The following TEKT1 variants were observed in gnomAD, a reference collection of about 807,000 sequenced individuals.
The protein encoded by TEKT1 is tektin 1.
In TEKT1, 32 loss-of-function variants were observed where a neutral mutation model predicts 34.8. The observed-to-expected ratio is 0.92, with a 90% CI of 0.69 to 1.23. The LOEUF (loss-of-function observed/expected upper bound fraction) is 1.23. Among genes scored for constraint, TEKT1 ranks in the 50% most tolerant of loss-of-function variants. TEKT1 has a pLI of 0.00. For missense variants in TEKT1, 492 were observed against 518.5 expected, an observed-to-expected ratio of 0.95 and a Z score of 0.50; for synonymous variants, 207 against 199.8, an observed-to-expected ratio of 1.04 and a Z score of -0.30.
chr17:6,815,015 C>T (rs551653830), intron 5 of TEKT1, 148 bp downstream of exon 5: 2 of 925,894 alleles, frequency 2.2e-6, no homozygotes, highest in South Asian at 3.4e-5. Context: ...CCTCTGGGCC[C>T]AATGTCAAGG....
chr17:6,800,088 A>C lies in TEKT1; in HGVS notation c.1196T>G (p.Leu399Arg). 6.2e-7 allele frequency: 1 copy of C among 1,613,556 alleles called. No homozygotes were observed. Reference protein sequence around the residue: ...LCMQMRKSIPLRDGEDHGVWA... With the variant: ...LCMQMRKSIPRRDGEDHGVWA... ...GACCCCATGGTCTTCCCCATCCCGAAGTGGGATGGATTTCCTCATCTGCAT... is the reference window on the plus strand; with the variant it reads ...GACCCCATGGTCTTCCCCATCCCGACGTGGGATGGATTTCCTCATCTGCAT... The change falls in exon 8 of 8, where the codon CTT becomes CGT. Residue 399 changes from leucine (L) to arginine (R), a missense_variant. Coordinates refer to ENST00000338694, the MANE Select transcript of TEKT1 (RefSeq NM_053285.2).
chr17:6,810,183 C>T (rs569550427), intron 6 of TEKT1, among the ~76,000 whole-genome samples: 2 of 152,192 alleles, frequency 1.3e-5, no homozygotes, highest in Admixed American at 6.5e-5. Flanking sequence ...CTGTAGGTGC[C>T]GAGGTGTTGT....
At chr17:6,810,615 A>G (rs983044872) in intron 6 of TEKT1, among the ~76,000 whole-genome samples, 2 of 152,206 alleles carry the variant, frequency 1.3e-5, no homozygotes, top group South Asian at 2.1e-4. Context: ...ATGGTGACAC[A>G]CTGTATGTGA....
At chr17:6,800,275 A>G (rs373531234) in intron 7 of TEKT1, 41 bp from the exon 8 acceptor site, 3 of 1,567,084 alleles carry the variant, frequency 1.9e-6, no homozygotes, top group Non-Finnish European at 2.6e-6. Context: ...ATTTCTCTCT[A>G]TGCATTGCTT....
intron 2 of TEKT1, among the ~76,000 whole-genome samples, chr17:6,827,257 A>ACTTTTT (rs528734641): frequency 8.0e-6 from 1 of 124,276 alleles, no homozygotes; most frequent in Admixed American, 7.9e-5. Flanking sequence ...AGTTGTGCCA[A>ACTTTTT]TTTTTTTTTT....
Position 6,812,921 on chromosome 17 carries a change from G to A in TEKT1, c.762C>T (p.Arg254=), listed in dbSNP as rs1011368465. 1 of 1,614,062 alleles carries A rather than the reference G, an allele frequency of 6.2e-7. No individual in the cohort carries two copies. The highest frequency in any genetic ancestry group is 1.3e-5 in the African/African-American group (1 of 74,928). ...RILSQTANDL[R]KQCDVVDTAF... The stretch of plus-strand genomic sequence containing the variant: ...CCGTGTCCACCACATCACACTGCTT[G>A]CGCAGATCATTGGCTGTCTGGGACA... Residue 254 remains arginine (R), a synonymous_variant, in exon 6 of 8, where the codon CGC becomes CGT. Transcript: ENST00000338694.
chr17:6,823,084 A>G (rs1381470706), intron 2 of TEKT1, among the ~76,000 whole-genome samples: 3 of 152,220 alleles, frequency 2.0e-5, no homozygotes, highest in Admixed American at 2.0e-4. Context: ...AAGAATTACT[A>G]TGTAGACATA....
chr17:6,828,799 ACTAT>A (rs1196028042), intron 2 of TEKT1, among the ~76,000 whole-genome samples: 2 of 152,012 alleles, frequency 1.3e-5, no homozygotes, highest in Non-Finnish European at 2.9e-5. Flanking sequence ...ATTTAAGGAT[ACTAT>A]CTTTTTTTTT....
chr17:6,806,272 A>G (rs1976842651), intron 6 of TEKT1, among the ~76,000 whole-genome samples: 1 of 152,002 alleles, frequency 6.6e-6, no homozygotes, highest in Admixed American at 6.6e-5. Context: ...CTGTTTTATC[A>G]GAGACTAGGA....
At chr17:6,829,023 C>T (rs764261915) in intron 2 of TEKT1, among the ~76,000 whole-genome samples, 9 of 151,912 alleles carry the variant, frequency 5.9e-5, no homozygotes, top group South Asian at 4.2e-4. Context: ...TGATGGTGCA[C>T]GCCTGTAATC....
At chr17:6,830,028 A>G (rs1318772705) in intron 2 of TEKT1, among the ~76,000 whole-genome samples, 159 bp downstream of exon 2, 1 of 152,214 alleles carries the variant, frequency 6.6e-6, no homozygotes, top group African/African-American at 2.4e-5. Flanking sequence ...CCTTGTGTCT[A>G]TCTTAGGGCA....
intron 2 of TEKT1, among the ~76,000 whole-genome samples, chr17:6,826,141 C>T (rs997527730): frequency 1.3e-5 from 2 of 152,170 alleles, no homozygotes; most frequent in Non-Finnish European, 2.9e-5. Context: ...TAATTGTAGC[C>T]ATTCCATGGC....
At chr17:6,803,959 A>T (rs1976812644) in intron 6 of TEKT1, among the ~76,000 whole-genome samples, 2 of 151,978 alleles carry the variant, frequency 1.3e-5, no homozygotes, top group Non-Finnish European at 2.9e-5. Context: ...TTTTGGTTCC[A>T]TATGGACTTT....
chr17:6,830,176 T>C lies in TEKT1; in HGVS notation c.190+11A>G. The C allele has an allele frequency of 6.2e-7, 1 of 1,604,658 alleles. No individual in the cohort carries two copies. The highest frequency in any genetic ancestry group is 1.8e-5 in the Admixed American group (1 of 56,530). On this transcript the variant is annotated intron_variant, in intron 2 of 7. Coordinates refer to ENST00000338694, the MANE Select transcript of TEKT1 (RefSeq NM_053285.2). ...AGCATGTTCACGAATATGCCAAGCA[T>C]GTTGTCTTACCTAGTTTCTTGTTCA...
intron 7 of TEKT1, 78 bp from the exon 8 acceptor site, chr17:6,800,312 GT>G: frequency 7.5e-7 from 1 of 1,333,400 alleles, no homozygotes; most frequent in Non-Finnish European, 1.0e-6. Context: ...GTTCCCCAGT[GT>G]TCAGTGCAGG....
intron 6 of TEKT1, among the ~76,000 whole-genome samples, chr17:6,803,943 GC>G (rs1465083148): frequency 6.6e-6 from 1 of 152,040 alleles, no homozygotes; most frequent in Non-Finnish European, 1.5e-5. Context: ...GGCAATGCCA[GC>G]CCTTTTTTGG....
rs1976929903 is a variant in TEKT1 at position 6,811,692 on chromosome 17, G to T, written c.852+1139C>A. On this transcript the variant is annotated intron_variant, in intron 6 of 7. Coordinates refer to ENST00000338694, the MANE Select transcript of TEKT1 (RefSeq NM_053285.2). This position sits in a 1 kb window ranked among gnomAD's most constrained non-coding sequence, Gnocchi z 4.4. ...GTTCAGGATGTGGCAACAGGACAGGGATTCAGGGGCTGAGAAGGCCTGGGC... is the reference window on the plus strand; with the variant it reads ...GTTCAGGATGTGGCAACAGGACAGGTATTCAGGGGCTGAGAAGGCCTGGGC... Among the ~76,000 whole-genome samples, 1 of 152,138 alleles carries T rather than the reference G, an allele frequency of 6.6e-6. No individual in the cohort carries two copies. The highest frequency in any genetic ancestry group is 2.1e-4 in the South Asian group (1 of 4,820).
rs1976928138 is a variant in TEKT1 at position 6,811,560 on chromosome 17, C to T, written c.852+1271G>A. ...ATTTCCACTAGGCTCGTCTACCTCT[C>T]GGTTTGCTGAATATTGCAGTTTCAC... On this transcript the variant is annotated intron_variant, in intron 6 of 7. Coordinates refer to ENST00000338694, the MANE Select transcript of TEKT1 (RefSeq NM_053285.2). The surrounding 1 kb of genome is among the most constrained non-coding windows in gnomAD (Gnocchi z 4.4). Among the ~76,000 whole-genome samples the T allele has an allele frequency of 6.6e-6, 1 of 152,118 alleles. No individual in the cohort carries two copies. Among genetic ancestry groups the T allele is most frequent in the Admixed American group, 6.5e-5 (1 of 15,276 alleles).
In TEKT1 at chr17:6,798,735, GA is replaced by G. The variant is rs1370319507; in HGVS notation, c.*1291del. On this transcript the variant is annotated 3_prime_UTR_variant, in exon 8 of 8. Coordinates refer to ENST00000338694, the MANE Select transcript of TEKT1 (RefSeq NM_053285.2). ...AGCACCTAGATTGCAAAGCTCCCAG[GA>G]ATTAGGCCCACACTCTGCATTATCA... is the stretch of plus-strand genomic sequence containing the variant. 2.0e-5 allele frequency: 3 copies of G among 152,216 alleles called. No individual in the cohort carries two copies. The highest frequency in any genetic ancestry group is 4.4e-5 in the Non-Finnish European group (3 of 68,062). 9.4% of individuals were successfully genotyped at this position (152,216 alleles called of 1,614,324 possible).
Sources: gnomAD v4.1 joint callset for allele counts (sites outside exome capture counted in the v4.1 genomes callset) on GRCh38, gnomAD v4.1.1 for gene constraint, Gnocchi (gnomAD v3.1) non-coding constraint, MANE v1.5 for transcripts, NCBI Gene and HGNC (gene_info 2026-07-23, HGNC 2026-07-21) for gene names.